EXOC4: variants seen among roughly 807,000 people sequenced by gnomAD.
The protein encoded by EXOC4 is SEC8-like 1.
Under a neutral mutation model 107.2 loss-of-function variants are expected in EXOC4, and 71 were observed. The observed-to-expected ratio is 0.66, with a 90% CI of 0.55 to 0.81. The LOEUF (loss-of-function observed/expected upper bound fraction) is 0.81, where lower values mean the gene tolerates loss of function less well. Among genes scored for constraint, EXOC4 ranks in the 30% least tolerant of loss-of-function variants. EXOC4 has a pLI of 0.00. For missense variants in EXOC4, 1,108 were observed against 1,189.6 expected (o/e 0.93, Z 1.01); for synonymous variants, 456 against 441.2 (o/e 1.03, Z -0.42).
intron 9 of EXOC4, among the ~76,000 whole-genome samples, chr7:133,605,746 C>T (rs1801928981): frequency 6.6e-6 from 1 of 152,058 alleles, no homozygotes; most frequent in African/African-American, 2.4e-5. Context: ...GGAGAGAGGT[C>T]TGGGCTGGAG....
At chr7:133,449,875 G>A (rs942169492) in intron 7 of EXOC4, among the ~76,000 whole-genome samples, 1 of 151,698 alleles carries the variant, frequency 6.6e-6, no homozygotes, top group African/African-American at 2.4e-5. Flanking sequence ...ATCTATATTT[G>A]GGAGTATTTC....
chr7:134,010,588 A>G (rs895600563), intron 17 of EXOC4, among the ~76,000 whole-genome samples: 3 of 152,214 alleles, frequency 2.0e-5, no homozygotes, highest in Non-Finnish European at 4.4e-5. Flanking sequence ...AAACAGCAAT[A>G]CCAAAATAGC....
chr7:133,478,476 G>C (rs1339941753), intron 8 of EXOC4, among the ~76,000 whole-genome samples: 2 of 152,162 alleles, frequency 1.3e-5, no homozygotes, highest in South Asian at 4.1e-4. Flanking sequence ...GCCCATGTGT[G>C]TCTGAGCAGG....
intron 7 of EXOC4, among the ~76,000 whole-genome samples, chr7:133,419,964 C>CTTTT: frequency 7.4e-6 from 1 of 134,466 alleles, no homozygotes; most frequent in East Asian, 2.2e-4. Flanking sequence ...TCTGCTTCTT[C>CTTTT]TTTTTTTTTT....
At chr7:133,812,162 A>G (rs1454365896) in intron 10 of EXOC4, among the ~76,000 whole-genome samples, 1 of 152,186 alleles carries the variant, frequency 6.6e-6, no homozygotes, top group African/African-American at 2.4e-5. Context: ...AAAAAAAATC[A>G]TACAATATTT....
the EXOC4 span, among the ~76,000 whole-genome samples, chr7:134,084,004 G>C: frequency 6.6e-6 from 1 of 152,148 alleles, no homozygotes; most frequent in Non-Finnish European, 1.5e-5. Flanking sequence ...TATAGGAAGT[G>C]AGGCTTATTA....
intron 9 of EXOC4, among the ~76,000 whole-genome samples, chr7:133,519,763 C>T (rs1203601042): frequency 2.6e-5 from 4 of 152,082 alleles, no homozygotes; most frequent in African/African-American, 2.4e-5. Flanking sequence ...CAGCCAGTAC[C>T]GTTAGGAAGT....
At chr7:133,853,368 A>ACACG (rs1356410565) in intron 11 of EXOC4, among the ~76,000 whole-genome samples, 20 of 116,376 alleles carry the variant, frequency 1.7e-4, no homozygotes, top group African/African-American at 6.3e-4. Context: ...ACACACACAC[A>ACACG]CACACACACA....
chr7:134,065,227 CCAGA>C lies in EXOC4; in HGVS notation c.*702_*705del, dbSNP rs1391541520. ...ATTTCTGCTGTATAAAAACCAAGAG[CCAGA>C]CAATTAGACAACTATGGAGGAATGA... is the stretch of plus-strand genomic sequence containing the variant. On this transcript the variant is annotated 3_prime_UTR_variant, in exon 18 of 18. Transcript: ENST00000253861. The C allele has an allele frequency of 3.9e-5, 6 of 152,188 alleles. No individual in the cohort carries two copies. The highest frequency in any genetic ancestry group is 7.3e-5 in the Non-Finnish European group (5 of 68,030). 9.4% of individuals were successfully genotyped at this position (152,188 alleles called of 1,614,324 possible).
At chr7:133,887,327 C>G (rs779316367) in intron 11 of EXOC4, among the ~76,000 whole-genome samples, 3 of 152,108 alleles carry the variant, frequency 2.0e-5, no homozygotes, top group Non-Finnish European at 4.4e-5. Flanking sequence ...TAACATTAAT[C>G]TAGTTTCTTT....
chr7:133,485,106 T>TA (rs1563083541), intron 9 of EXOC4, among the ~76,000 whole-genome samples: 5 of 140,664 alleles, frequency 3.6e-5, no homozygotes, highest in African/African-American at 1.4e-4. Flanking sequence ...AATAAATAAA[T>TA]AAATAAATAA....
At chr7:133,720,537 A>T (rs1795086803) in intron 10 of EXOC4, among the ~76,000 whole-genome samples, 1 of 152,208 alleles carries the variant, frequency 6.6e-6, no homozygotes, top group Non-Finnish European at 1.5e-5. Flanking sequence ...TAAAGCAAAT[A>T]AAATAGTCCC....
At chr7:133,690,590 C>T (rs1031696666) in intron 10 of EXOC4, among the ~76,000 whole-genome samples, 6 of 152,148 alleles carry the variant, frequency 3.9e-5, no homozygotes, top group African/African-American at 1.2e-4. Flanking sequence ...TGTTTATATT[C>T]GCCCCTTTTC....
At chr7:133,318,257 A>G (rs1221763354) in intron 5 of EXOC4, among the ~76,000 whole-genome samples, 1 of 152,172 alleles carries the variant, frequency 6.6e-6, no homozygotes, top group Non-Finnish European at 1.5e-5. Context: ...GAATAAGACA[A>G]AGCCATTTTG....
chr7:133,513,685 TC>T (rs961186947), intron 9 of EXOC4, among the ~76,000 whole-genome samples: 3 of 152,214 alleles, frequency 2.0e-5, no homozygotes, highest in Non-Finnish European at 2.9e-5. Context: ...AGTCTTTGTT[TC>T]CTTCTTTCTT....
chr7:134,078,113 C>A, the EXOC4 span, among the ~76,000 whole-genome samples: 3 of 152,034 alleles, frequency 2.0e-5, no homozygotes, highest in Admixed American at 1.3e-4. Context: ...TCTTTAATTT[C>A]CTGCATCAAC....
At chr7:134,028,312 G>C (rs547257779) in intron 17 of EXOC4, among the ~76,000 whole-genome samples, 5 of 152,260 alleles carry the variant, frequency 3.3e-5, no homozygotes, top group Admixed American at 6.5e-5. Context: ...AGTTTTATTA[G>C]CCTTTGATAT....
intron 11 of EXOC4, among the ~76,000 whole-genome samples, chr7:133,861,555 GAC>G (rs946645017): frequency 6.6e-6 from 1 of 152,080 alleles, no homozygotes; most frequent in African/African-American, 2.4e-5. Flanking sequence ...GTTTTTTTGT[GAC>G]AGAGTCTCCC....
intron 10 of EXOC4, among the ~76,000 whole-genome samples, chr7:133,705,550 G>T (rs933591097): frequency 2.4e-4 from 36 of 152,108 alleles, no homozygotes; most frequent in Admixed American, 6.6e-4. Context: ...GTCAATTGTG[G>T]TCCAAAAATA....
Sources: allele counts gnomAD v4.1 joint callset (sites outside exome capture counted in the v4.1 genomes callset), GRCh38; gene constraint gnomAD v4.1.1; transcripts MANE v1.5; gene names NCBI Gene and HGNC (gene_info 2026-07-23, HGNC 2026-07-21).